SP110: variants seen among roughly 807,000 people sequenced by gnomAD.
SP110 encodes interferon-induced protein 41, 30kD.
In SP110, 62 loss-of-function variants were observed where a neutral mutation model predicts 92.7. The observed-to-expected ratio is 0.67, with a 90% CI of 0.55 to 0.83. The LOEUF (loss-of-function observed/expected upper bound fraction) is 0.83. Ranked by LOEUF, SP110 falls within the 40% of genes least tolerant of loss-of-function variation. The pLI, the probability that SP110 is intolerant of heterozygous loss-of-function variation, is 0.00. For missense variants in SP110, 793 were observed against 863.9 expected, an observed-to-expected ratio of 0.92 and a Z score of 1.03; for synonymous variants, 273 against 305.3, an observed-to-expected ratio of 0.89 and a Z score of 1.10.
chr2:230,221,142 G>A (rs959196354), upstream of SP110, among the ~76,000 whole-genome samples: 3 of 151,984 alleles, frequency 2.0e-5, no homozygotes, highest in East Asian at 1.9e-4. Flanking sequence ...TTAGCCAGAT[G>A]TGGTGGCGGG....
At chr2:230,208,238 A>G (rs2044092212) in intron 7 of SP110, among the ~76,000 whole-genome samples, 179 bp from the exon 8 acceptor site, 2 of 152,194 alleles carry the variant, frequency 1.3e-5, no homozygotes, top group Admixed American at 1.3e-4. Flanking sequence ...TGACAGAGGA[A>G]AAGGAGAAAC....
intron 15 of SP110, 80 bp downstream of exon 15, chr2:230,172,764 G>A (rs937740610): frequency 2.0e-5 from 19 of 941,312 alleles, no homozygotes; most frequent in Admixed American, 3.6e-5. Context: ...TCACACCCTC[G>A]TCCCCGACGC....
At chr2:230,205,695 C>T (rs2043705090) in intron 8 of SP110, among the ~76,000 whole-genome samples, 1 of 152,132 alleles carries the variant, frequency 6.6e-6, no homozygotes, top group South Asian at 2.1e-4. Context: ...ACTTAGAAGA[C>T]TAGGTTTTTG....
intron 14 of SP110, chr2:230,176,682 C>G: frequency 1.2e-6 from 2 of 1,613,946 alleles, no homozygotes; most frequent in Non-Finnish European, 1.7e-6. Flanking sequence ...CTATTTAACT[C>G]TCTCTTGAGA....
intron 12 of SP110, among the ~76,000 whole-genome samples, chr2:230,179,274 A>G (rs1005037507): frequency 1.2e-4 from 18 of 152,158 alleles, no homozygotes; most frequent in Non-Finnish European, 2.9e-5. Context: ...AGAACCCTAC[A>G]GGATGCCTGG....
At chr2:230,172,235 G>A in intron 15 of SP110, 61 bp from the exon 16 acceptor site, 1 of 1,039,398 alleles carries the variant, frequency 9.6e-7, no homozygotes, top group Middle Eastern at 2.1e-4. Context: ...CACCATTCCT[G>A]TGGCTGCCAC....
intron 7 of SP110, 32 bp from the exon 8 acceptor site, chr2:230,208,091 A>C: frequency 8.2e-7 from 1 of 1,218,076 alleles, no homozygotes; most frequent in Non-Finnish European, 1.2e-6. Context: ...TTATAGTTAC[A>C]AACATTGATC....
rs1165395641 is a variant in SP110 at position 230,166,198 on chromosome 2, C to T, written c.*2926G>A. Among the ~76,000 whole-genome samples the T allele has an allele frequency of 2.0e-5, 3 of 152,100 alleles. No individual in the cohort carries two copies. Among genetic ancestry groups the T allele is most frequent in the African/African-American group, 7.2e-5 (3 of 41,410 alleles). ...TGAGCCACTGCGCCTGGCAGACCACCTATATTACTTTTAACCACAAATGAA... is the reference window on the plus strand; with the variant it reads ...TGAGCCACTGCGCCTGGCAGACCACTTATATTACTTTTAACCACAAATGAA... On this transcript the variant is annotated 3_prime_UTR_variant, in exon 19 of 19. Transcript: ENST00000258381.
At chr2:230,222,808 T>C (rs1174681950), upstream of SP110, among the ~76,000 whole-genome samples, 1 of 151,418 alleles carries the variant, frequency 6.6e-6, no homozygotes, top group Non-Finnish European at 1.5e-5. Context: ...ATCTGCTTTC[T>C]ATCACCACAG....
At chr2:230,217,079 C>T (rs1163817509) in intron 1 of SP110, 151 bp from the exon 2 acceptor site, 3 of 622,582 alleles carry the variant, frequency 4.8e-6, no homozygotes, top group Non-Finnish European at 8.4e-6. Flanking sequence ...AACTCTGTCT[C>T]TACTAAAAAT....
At chr2:230,188,744 CT>C (rs2042473798) in intron 10 of SP110, among the ~76,000 whole-genome samples, 1 of 152,084 alleles carries the variant, frequency 6.6e-6, no homozygotes. Flanking sequence ...TTGAAATGAT[CT>C]ATGGTTTTTA....
intron 1 of SP110, 44 bp from the exon 2 acceptor site, chr2:230,216,972 G>A (rs184891013): frequency 5.8e-5 from 92 of 1,579,928 alleles, no homozygotes; most frequent in Admixed American, 3.2e-4. Context: ...AAGGCTGGGC[G>A]CGGTGGCTCA....
Position 230,211,927 on chromosome 2 carries a change from G to T in SP110, c.668-374C>A, listed in dbSNP as rs1046909055. On this transcript the variant is annotated intron_variant, in intron 5 of 18. Coordinates refer to ENST00000258381, the MANE Select transcript of SP110 (RefSeq NM_080424.4). The surrounding 1 kb of genome is among the most constrained non-coding windows in gnomAD (Gnocchi z 4.2). ...GTTTAATGTAATCAAACTCCATTAT[G>T]ATGATGGTTTGGGGAGGACAAGTGA... Among the ~76,000 whole-genome samples the T allele has an allele frequency of 6.6e-6, 1 of 152,166 alleles. No homozygotes were observed. Among genetic ancestry groups the T allele is most frequent in the Non-Finnish European group, 1.5e-5 (1 of 68,028 alleles).
chr2:230,195,940 TAA>T (rs1467079802), intron 10 of SP110, among the ~76,000 whole-genome samples: 2 of 151,954 alleles, frequency 1.3e-5, no homozygotes, highest in East Asian at 1.9e-4. Flanking sequence ...GCAAAAAATA[TAA>T]GTTAAAAATG....
chr2:230,203,113 T>C, intron 8 of SP110: 1 of 296,700 alleles, frequency 3.4e-6, no homozygotes, highest in East Asian at 8.6e-5. Context: ...ACGGCCTGTG[T>C]GTGGTACAAG....
chr2:230,204,308 A>T (rs1275580367), intron 8 of SP110, among the ~76,000 whole-genome samples: 1 of 152,210 alleles, frequency 6.6e-6, no homozygotes, highest in Non-Finnish European at 1.5e-5. Context: ...ATAGTTGCAT[A>T]GACATTCCCT....
At chr2:230,202,333 C>CA (rs1372512974) in intron 9 of SP110, among the ~76,000 whole-genome samples, 2 of 152,076 alleles carry the variant, frequency 1.3e-5, no homozygotes, top group African/African-American at 4.8e-5. Context: ...GTCCTGAGAC[C>CA]AAAAAATTTG....
intron 16 of SP110, 140 bp downstream of exon 16, chr2:230,171,926 C>CT: frequency 1.2e-6 from 1 of 844,200 alleles, no homozygotes; most frequent in Non-Finnish European, 2.1e-6. Context: ...TGTTTAGACT[C>CT]TGAGTTTGGG....
intron 3 of SP110, 68 bp downstream of exon 3, chr2:230,214,882 A>C: frequency 7.5e-7 from 1 of 1,333,822 alleles, no homozygotes; most frequent in Non-Finnish European, 1.1e-6. Flanking sequence ...CCACAGGGCT[A>C]GAAGTAAACC....
Sources: allele counts gnomAD v4.1 joint callset (sites outside exome capture counted in the v4.1 genomes callset), GRCh38; gene constraint gnomAD v4.1.1; non-coding constraint Gnocchi (gnomAD v3.1); transcripts MANE v1.5; gene names NCBI Gene and HGNC (gene_info 2026-07-23, HGNC 2026-07-21).